SND1: variants seen among roughly 807,000 people sequenced by gnomAD.
The protein encoded by SND1 is staphylococcal nuclease and tudor domain containing 1.
SND1 carries 38 observed loss-of-function variants against 121.7 expected under a neutral mutation model. The observed-to-expected ratio is 0.31, with a 90% CI of 0.24 to 0.41. The LOEUF (loss-of-function observed/expected upper bound fraction) is 0.41. Ranked by LOEUF, SND1 falls within the 10% of genes least tolerant of loss-of-function variation. The pLI, the probability that SND1 is intolerant of heterozygous loss-of-function variation, is 1.00. For synonymous variants in SND1, 401 were observed against 447.4 expected, an observed-to-expected ratio of 0.90 and a Z score of 1.31; for missense variants, 868 against 1,184.6, an observed-to-expected ratio of 0.73 and a Z score of 3.92.
At chr7:127,690,161 C>G (rs183417505) in intron 2 of SND1, among the ~76,000 whole-genome samples, 23 of 151,972 alleles carry the variant, frequency 1.5e-4, no homozygotes, top group East Asian at 5.8e-4. Flanking sequence ...TTATTTTTTC[C>G]CAGACTCTTC....
chr7:127,661,031 G>A (rs1412908699), intron 1 of SND1, among the ~76,000 whole-genome samples: 4 of 152,134 alleles, frequency 2.6e-5, no homozygotes, highest in African/African-American at 9.7e-5. Flanking sequence ...TTTAACTCCT[G>A]TACTGTTTGT....
At chr7:127,892,801 C>T (rs976669045) in intron 13 of SND1, among the ~76,000 whole-genome samples, 1 of 151,500 alleles carries the variant, frequency 6.6e-6, no homozygotes, top group Non-Finnish European at 1.5e-5. Context: ...TTGTCCCCCC[C>T]TCCCCACCCC....
chr7:127,701,385 G>C (rs761753379), intron 5 of SND1, 62 bp downstream of exon 5: 76 of 1,524,346 alleles, frequency 5.0e-5, no homozygotes, highest in Non-Finnish European at 6.3e-5. Flanking sequence ...TGCACTCTTT[G>C]CTTCTTGAGG....
intron 16 of SND1, among the ~76,000 whole-genome samples, chr7:128,057,512 G>A (rs1327823935): frequency 2.6e-5 from 4 of 152,204 alleles, no homozygotes. Flanking sequence ...TCATTCTCCT[G>A]CTCAGCATTT....
chr7:127,940,253 T>A (rs1801164456), intron 15 of SND1, among the ~76,000 whole-genome samples: 1 of 152,188 alleles, frequency 6.6e-6, no homozygotes, highest in Admixed American at 6.5e-5. Flanking sequence ...CCTAAATGCC[T>A]CAGTTCTAAG....
intron 16 of SND1, among the ~76,000 whole-genome samples, chr7:128,060,017 A>G (rs1793205514): frequency 6.6e-6 from 1 of 152,236 alleles, no homozygotes; most frequent in Non-Finnish European, 1.5e-5. Flanking sequence ...GAATGTTGAG[A>G]TGGAGTTACT....
chr7:127,701,018 A>G (rs1040730731), intron 4 of SND1, 145 bp from the exon 5 acceptor site: 2 of 804,870 alleles, frequency 2.5e-6, no homozygotes, highest in Non-Finnish European at 3.9e-6. Flanking sequence ...TTTTCTGGTT[A>G]TAGGCTTGGG....
At chr7:127,861,390 G>A (rs188670063) in intron 12 of SND1, among the ~76,000 whole-genome samples, 112 of 152,316 alleles carry the variant, frequency 7.4e-4, no homozygotes, top group Non-Finnish European at 1.3e-3. Context: ...CACTGTTGAG[G>A]TTTGTGTGTT....
Position 128,029,782 on chromosome 7 carries a change from T to C in SND1, c.1779+38726T>C. On this transcript the variant is annotated intron_variant, in intron 16 of 23. Transcript: ENST00000354725. This position sits in a 1 kb window ranked among gnomAD's most constrained non-coding sequence, Gnocchi z 4.2. ...AACTCCACCAGGTACCTCAGCGGGGTAAAGAGGTCATGGGGCAAAGAAGAG... is the reference window on the plus strand; with the variant it reads ...AACTCCACCAGGTACCTCAGCGGGGCAAAGAGGTCATGGGGCAAAGAAGAG... 1.9e-6 allele frequency: 3 copies of C among 1,613,550 alleles called. No homozygotes were observed. Among genetic ancestry groups the C allele is most frequent in the Non-Finnish European group, 2.5e-6 (3 of 1,179,974 alleles).
intron 10 of SND1, among the ~76,000 whole-genome samples, chr7:127,801,108 A>G (rs1475394219): frequency 6.6e-6 from 1 of 152,198 alleles, no homozygotes; most frequent in African/African-American, 2.4e-5. Context: ...TGGGGCATAT[A>G]CCTACCTGTA....
chr7:127,943,626 A>G (rs1026111700), intron 15 of SND1, among the ~76,000 whole-genome samples: 29 of 152,252 alleles, frequency 1.9e-4, no homozygotes, highest in African/African-American at 6.0e-4. Context: ...GCAAGTCTAG[A>G]TCTCGTGGAG....
chr7:127,656,523 A>C (rs947032080), intron 1 of SND1, among the ~76,000 whole-genome samples: 16 of 151,920 alleles, frequency 1.1e-4, no homozygotes, highest in African/African-American at 3.9e-4. Flanking sequence ...TAGTTTCACC[A>C]TGTTGGCTGG....
chr7:127,707,443 C>T (rs1484358036), intron 8 of SND1, 114 bp from the exon 9 acceptor site: 3 of 714,834 alleles, frequency 4.2e-6, no homozygotes, highest in Non-Finnish European at 7.3e-6. Flanking sequence ...GGTAGTCTTT[C>T]TTCTGGATAC....
At position 128,085,559 on chromosome 7, in the gene SND1, C is replaced by A; in HGVS notation, c.2235-152C>A. 1.5e-6 allele frequency: 1 copy of A among 684,538 alleles called. No homozygotes were observed. Among genetic ancestry groups the A allele is most frequent in the Non-Finnish European group, 2.6e-6 (1 of 385,842 alleles). 42.4% of individuals were successfully genotyped at this position (684,538 alleles called of 1,614,324 possible). ...TAGGTGGTGACCACAGTGGCCGAGG[C>A]TGGGCCTAGATGGAGTGCAGTTACT... On this transcript the variant is annotated intron_variant, in intron 19 of 23. Coordinates refer to ENST00000354725, the MANE Select transcript of SND1 (RefSeq NM_014390.4). The surrounding 1 kb of genome is among the most constrained non-coding windows in gnomAD (Gnocchi z 4.4).
At chr7:127,971,265 CAGAT>C (rs1035784282) in intron 15 of SND1, among the ~76,000 whole-genome samples, 7 of 151,950 alleles carry the variant, frequency 4.6e-5, no homozygotes, top group Admixed American at 4.6e-4. Context: ...TAGAAAATGC[CAGAT>C]AGATGAAGAA....
In SND1 at chr7:128,021,011, C is replaced by T. The variant is rs562332969; in HGVS notation, c.1779+29955C>T. 1.2e-3 allele frequency among the ~76,000 whole-genome samples: 189 copies of T among 152,276 alleles called. 5 individuals are homozygous for T. In the South Asian group the frequency reaches 0.037, roughly 30 times the overall value. On this transcript the variant is annotated intron_variant, in intron 16 of 23. Transcript: ENST00000354725. ...TAATGAAAAAAATAGTCTTCCCTTT[C>T]CCTGGTTCCTTCAACAGTCTCTTCC...
intron 14 of SND1, among the ~76,000 whole-genome samples, chr7:127,915,814 A>G (rs1160605582): frequency 6.6e-6 from 1 of 152,206 alleles, no homozygotes; most frequent in Non-Finnish European, 1.5e-5. Context: ...AAAGGTCCTG[A>G]GGTGGAAGAT....
At chr7:127,959,523 ACTC>A (rs1801678112) in intron 15 of SND1, among the ~76,000 whole-genome samples, 1 of 151,540 alleles carries the variant, frequency 6.6e-6, no homozygotes, top group East Asian at 1.9e-4. Flanking sequence ...CACTGCCTCT[ACTC>A]CTGTGTTGGG....
intron 13 of SND1, among the ~76,000 whole-genome samples, chr7:127,895,460 G>C (rs937896936): frequency 6.6e-6 from 1 of 152,058 alleles, no homozygotes; most frequent in African/African-American, 2.4e-5. Flanking sequence ...TGTCCTAATG[G>C]CTTCCGTTCT....
Sources: allele counts gnomAD v4.1 joint callset (sites outside exome capture counted in the v4.1 genomes callset), GRCh38; gene constraint gnomAD v4.1.1; non-coding constraint Gnocchi (gnomAD v3.1); transcripts MANE v1.5; gene names NCBI Gene and HGNC (gene_info 2026-07-23, HGNC 2026-07-21).